The following SBF2 variants were observed in gnomAD, a reference collection of about 807,000 sequenced individuals.
SBF2 encodes myotubularin-related protein 13.
SBF2 carries 112 observed loss-of-function variants against 225.2 expected under a neutral mutation model. The observed-to-expected ratio is 0.50, with a 90% CI of 0.43 to 0.58. The LOEUF (loss-of-function observed/expected upper bound fraction) is 0.58. SBF2 is among the 20% of genes least tolerant of loss of function. SBF2 has a pLI of 0.00. For missense variants in SBF2, 1,996 were observed against 2,206.2 expected (o/e 0.90, Z 1.91); for synonymous variants, 763 against 773.3 (o/e 0.99, Z 0.22).
intron 28 of SBF2, chr11:9,828,473 CATGGTGTTATTT>C (rs1855194014): frequency 1.0e-6 from 1 of 985,272 alleles, no homozygotes; most frequent in African/African-American, 1.7e-5. Flanking sequence ...GCAAGGCATG[CATGGTGTTATTT>C]TACAAGAAAA....
chr11:10,006,714 T>G (rs1020355868), intron 6 of SBF2, among the ~76,000 whole-genome samples: 6 of 152,212 alleles, frequency 3.9e-5, no homozygotes, highest in Non-Finnish European at 8.8e-5. Context: ...TTCCTCTGGC[T>G]TCCTCCCACT....
At chr11:9,965,829 T>A (rs1294290228) in intron 14 of SBF2, among the ~76,000 whole-genome samples, 1 of 152,208 alleles carries the variant, frequency 6.6e-6, no homozygotes, top group Non-Finnish European at 1.5e-5. Context: ...GTTAAACTGA[T>A]TATTTCACGT....
chr11:10,058,471 A>G (rs1950327598), intron 2 of SBF2, among the ~76,000 whole-genome samples: 1 of 152,188 alleles, frequency 6.6e-6, no homozygotes, highest in Non-Finnish European at 1.5e-5. Flanking sequence ...ATAAGGAAAA[A>G]AGAATAAAAA....
chr11:10,171,409 T>C (rs1003504626), intron 2 of SBF2, among the ~76,000 whole-genome samples: 3 of 152,206 alleles, frequency 2.0e-5, no homozygotes, highest in Non-Finnish European at 4.4e-5. Context: ...ACACGGTTTT[T>C]GTACATTCTG....
Position 10,228,490 on chromosome 11 carries a change from C to T in SBF2, c.56-34503G>A, listed in dbSNP as rs572529764. Among the ~76,000 whole-genome samples the T allele has an allele frequency of 2.6e-3, 391 of 152,250 alleles. 1 individual carries two copies. The highest frequency in any genetic ancestry group is 8.7e-3 in the African/African-American group (361 of 41,538). Reference sequence around the variant, plus strand: ...AGATAGCTCTTATTATTTTGAGATACGTCCCATCAATACCTAATTTATTGA... The same window carrying T: ...AGATAGCTCTTATTATTTTGAGATATGTCCCATCAATACCTAATTTATTGA... On this transcript the variant is annotated intron_variant, in intron 1 of 39. Transcript: ENST00000256190.
intron 1 of SBF2, among the ~76,000 whole-genome samples, chr11:10,261,492 T>C (rs1961428806): frequency 1.3e-5 from 2 of 152,312 alleles, no homozygotes; most frequent in East Asian, 1.9e-4. Flanking sequence ...CGTGAGCCAC[T>C]GTGCCCAGCC....
At chr11:10,108,759 C>T (rs1471435265) in intron 2 of SBF2, among the ~76,000 whole-genome samples, 1 of 151,520 alleles carries the variant, frequency 6.6e-6, no homozygotes, top group Non-Finnish European at 1.5e-5. Flanking sequence ...CTCCTGACCT[C>T]GTGATCCGCC....
chr11:9,950,245 C>T (rs953237718), intron 16 of SBF2, among the ~76,000 whole-genome samples: 1 of 152,046 alleles, frequency 6.6e-6, no homozygotes, highest in African/African-American at 2.4e-5. Context: ...AAATCCTTTA[C>T]AGCTTTCCTG....
At chr11:10,194,970 A>G (rs889879785) in intron 1 of SBF2, among the ~76,000 whole-genome samples, 1 of 152,216 alleles carries the variant, frequency 6.6e-6, no homozygotes, top group Non-Finnish European at 1.5e-5. Flanking sequence ...TTCTATGGAG[A>G]TGAAATAATT....
chr11:9,834,041 G>T (rs2088294), intron 26 of SBF2, among the ~76,000 whole-genome samples: 120,664 of 151,144 alleles, frequency 0.8, 49,086 homozygotes, highest in Non-Finnish European at 0.86. Flanking sequence ...AGTGCTGGGA[G>T]TACAGGCGTG....
At chr11:9,914,345 T>C (rs796638358) in intron 16 of SBF2, among the ~76,000 whole-genome samples, 5 of 152,318 alleles carry the variant, frequency 3.3e-5, no homozygotes, top group African/African-American at 1.2e-4. Context: ...AGACCGGTCA[T>C]GGCTGAGGAA....
intron 35 of SBF2, chr11:9,788,036 C>T (rs1488905396): frequency 4.9e-6 from 2 of 409,760 alleles, no homozygotes; most frequent in Non-Finnish European, 9.1e-6. Context: ...CCTTGGGCAG[C>T]CCATGGGAAA....
chr11:10,145,132 C>T (rs776796821), intron 2 of SBF2, among the ~76,000 whole-genome samples: 1 of 152,152 alleles, frequency 6.6e-6, no homozygotes, highest in Admixed American at 6.5e-5. Flanking sequence ...TCAGTTAGGA[C>T]AACCTGGAGA....
intron 16 of SBF2, among the ~76,000 whole-genome samples, chr11:9,927,758 GA>G (rs1864165335): frequency 6.6e-6 from 1 of 151,988 alleles, no homozygotes; most frequent in Non-Finnish European, 1.5e-5. Flanking sequence ...AGTATCCTAG[GA>G]ATCAAAGGAC....
chr11:10,080,184 G>GAACA (rs1951304502), intron 2 of SBF2, among the ~76,000 whole-genome samples: 1 of 146,140 alleles, frequency 6.8e-6, no homozygotes, highest in Non-Finnish European at 1.5e-5. Flanking sequence ...GGAGGCAGAG[G>GAACA]TTGCAGTGAG....
chr11:10,220,887 A>G (rs979505203), intron 1 of SBF2, among the ~76,000 whole-genome samples: 1 of 152,096 alleles, frequency 6.6e-6, no homozygotes, highest in Non-Finnish European at 1.5e-5. Context: ...TCTTCCTAGA[A>G]AGCCCTTTAT....
chr11:9,967,637 CGGGT>C (rs1867010787), intron 14 of SBF2, among the ~76,000 whole-genome samples: 1 of 152,062 alleles, frequency 6.6e-6, no homozygotes, highest in Non-Finnish European at 1.5e-5. Context: ...ACATTCTTGC[CGGGT>C]GCAGTGGCTC....
Position 9,781,615 on chromosome 11 carries a change from C to G in SBF2, c.5343G>C (p.Glu1781Asp). ...KHQLRYYDSG[E>D]DTSCKGHIDL... The stretch of plus-strand genomic sequence containing the variant: ...CAATGTGGCCTTTACAGCTTGTGTC[C>G]TCACCTGAGTCATAGTAGCGCAGCT... The change falls in exon 39 of 40, where the codon GAG becomes GAC. Residue 1781 changes from glutamate to aspartate, a missense_variant. Glu to Asp is a conservative substitution (Grantham distance 45, BLOSUM62 2). Transcript: ENST00000256190. The G allele has an allele frequency of 6.2e-7, 1 of 1,614,180 alleles. No individual in the cohort carries two copies. Among genetic ancestry groups the G allele is most frequent in the South Asian group, 1.1e-5 (1 of 91,078 alleles).
At chr11:9,816,347 T>G (rs922041036) in intron 29 of SBF2, among the ~76,000 whole-genome samples, 1 of 152,188 alleles carries the variant, frequency 6.6e-6, no homozygotes, top group Non-Finnish European at 1.5e-5. Flanking sequence ...TTGCGAAGTT[T>G]TAACAAGTGT....
Sources: allele counts gnomAD v4.1 joint callset (sites outside exome capture counted in the v4.1 genomes callset), GRCh38; gene constraint gnomAD v4.1.1; transcripts MANE v1.5; gene names NCBI Gene and HGNC (gene_info 2026-07-23, HGNC 2026-07-21).